Variants in CTNNA1 observed in about 807,000 individuals in gnomAD.
CTNNA1 encodes catenin alpha 1.
In CTNNA1, 37 loss-of-function variants were observed where a neutral mutation model predicts 98.4. The observed-to-expected ratio is 0.38, with a 90% CI of 0.29 to 0.49. The LOEUF is 0.49. CTNNA1 is among the 20% of genes least tolerant of loss of function. CTNNA1 has a pLI of 0.95. For missense variants in CTNNA1, 761 were observed against 1,147.2 expected (o/e 0.66, Z 4.86); for synonymous variants, 404 against 413.2 (o/e 0.98, Z 0.27).
intron 10 of CTNNA1, among the ~76,000 whole-genome samples, chr5:138,916,463 A>G (rs1245758802): frequency 6.6e-6 from 1 of 151,124 alleles, no homozygotes; most frequent in African/African-American, 2.4e-5. Context: ...CCTGGGCTCA[A>G]GCAGTCCTCC....
intron 3 of CTNNA1, among the ~76,000 whole-genome samples, chr5:138,789,191 C>A (rs1047314906): frequency 1.5e-4 from 22 of 147,922 alleles, no homozygotes; most frequent in Non-Finnish European, 2.5e-4. Flanking sequence ...CTGTTTTTCC[C>A]CCCCCCCAGA....
intron 1 of CTNNA1, among the ~76,000 whole-genome samples, chr5:138,777,185 G>C (rs1175899362): frequency 7.4e-6 from 1 of 134,930 alleles, no homozygotes; most frequent in East Asian, 2.2e-4. Flanking sequence ...AGACGGGGTC[G>C]CGGCCGGGTA....
chr5:138,850,297 T>C (rs1177532484), intron 7 of CTNNA1, among the ~76,000 whole-genome samples: 2 of 152,236 alleles, frequency 1.3e-5, no homozygotes, highest in Non-Finnish European at 2.9e-5. Context: ...TTCTATTCAC[T>C]GTACTATGGC....
intron 3 of CTNNA1, among the ~76,000 whole-genome samples, chr5:138,800,111 GGTTTTGA>G (rs955246075): frequency 6.6e-6 from 1 of 152,078 alleles, no homozygotes; most frequent in Non-Finnish European, 1.5e-5. Flanking sequence ...TGGCCAGGCT[GGTTTTGA>G]ACTCCTGATA....
intron 1 of CTNNA1, among the ~76,000 whole-genome samples, chr5:138,758,226 G>C (rs1580839590): frequency 6.6e-6 from 1 of 151,248 alleles, no homozygotes; most frequent in Non-Finnish European, 1.5e-5. Flanking sequence ...TTTTGAGATG[G>C]AGTCTTGCTC....
intron 3 of CTNNA1, among the ~76,000 whole-genome samples, chr5:138,785,662 G>A (rs1755616356): frequency 6.6e-6 from 1 of 152,150 alleles, no homozygotes; most frequent in Admixed American, 6.5e-5. Context: ...CTGGGTTCAA[G>A]CGATTCTTCT....
chr5:138,928,954 A>G (rs2150322476), intron 13 of CTNNA1, among the ~76,000 whole-genome samples: 1 of 152,088 alleles, frequency 6.6e-6, no homozygotes. Flanking sequence ...AAAAAAAACA[A>G]TCATGTCTTA....
chr5:138,795,719 T>C (rs1756891020), intron 3 of CTNNA1, among the ~76,000 whole-genome samples: 1 of 152,208 alleles, frequency 6.6e-6, no homozygotes, highest in East Asian at 1.9e-4. Context: ...AGTTTTATTA[T>C]AGGCTTGCCT....
intron 5 of CTNNA1, among the ~76,000 whole-genome samples, chr5:138,814,139 G>A (rs889497853): frequency 6.6e-6 from 1 of 152,120 alleles, no homozygotes; most frequent in African/African-American, 2.4e-5. Flanking sequence ...GTCATAAGAT[G>A]TGATCAGACT....
At chr5:138,822,486 A>G (rs1264528060) in intron 5 of CTNNA1, among the ~76,000 whole-genome samples, 2 of 152,346 alleles carry the variant, frequency 1.3e-5, no homozygotes, top group Admixed American at 1.3e-4. Flanking sequence ...AAGCATTTTT[A>G]TAAAACGGTA....
intron 7 of CTNNA1, among the ~76,000 whole-genome samples, chr5:138,857,588 A>T (rs1763845318): frequency 6.6e-6 from 1 of 152,196 alleles, no homozygotes; most frequent in African/African-American, 2.4e-5. Context: ...AAGTACTGGC[A>T]TTACAGATGT....
intron 1 of CTNNA1, among the ~76,000 whole-genome samples, chr5:138,778,687 T>G (rs1405475801): frequency 1.3e-5 from 2 of 152,230 alleles, no homozygotes; most frequent in African/African-American, 4.8e-5. Flanking sequence ...TGAATGCTGA[T>G]TTTTCTAAAT....
chr5:138,920,327 G>A (rs917714556), intron 11 of CTNNA1, among the ~76,000 whole-genome samples: 22 of 152,250 alleles, frequency 1.4e-4, no homozygotes, highest in African/African-American at 3.1e-4. Flanking sequence ...TTTCCCCATC[G>A]CTCCTGACAC....
chr5:138,800,866 C>T (rs1314218407), intron 3 of CTNNA1, among the ~76,000 whole-genome samples: 4 of 151,962 alleles, frequency 2.6e-5, no homozygotes, highest in Non-Finnish European at 5.9e-5. Context: ...CAGCTGCAGA[C>T]TTCAATTCAC....
In CTNNA1 at chr5:138,835,375, T is replaced by C. The variant is rs183552636; in HGVS notation, c.1062+7657T>C. Among the ~76,000 whole-genome samples the C allele has an allele frequency of 8.5e-5, 13 of 152,358 alleles. No individual in the cohort carries two copies. The East Asian group carries it at 2.1e-3, about 25-fold the overall frequency. ...CAGGTACAGAGGCTGAGTTTTGTTA[T>C]ACAGTTATGGTATGATTTCCATCTT... On this transcript the variant is annotated intron_variant, in intron 7 of 17. Coordinates refer to ENST00000302763, the MANE Select transcript of CTNNA1 (RefSeq NM_001903.5).
intron 9 of CTNNA1, among the ~76,000 whole-genome samples, chr5:138,903,889 A>T (rs1758613560): frequency 6.6e-6 from 1 of 152,178 alleles, no homozygotes; most frequent in Admixed American, 6.5e-5. Context: ...TAAATTAAGC[A>T]TCTATTCCCT....
chr5:138,824,489 A>G lies in CTNNA1; in HGVS notation c.589-41A>G, dbSNP rs374258980. The G allele has an allele frequency of 1.4e-5, 22 of 1,602,906 alleles. No homozygotes were observed. The African/African-American group carries it at 2.7e-4, about 20-fold the overall frequency. ...AAATTTTTATATGAGTAAAGCCCAT[A>G]TAAAGAGTGCTCCAATTTCTTGTTT... On this transcript the variant is annotated intron_variant, in intron 5 of 17. Transcript: ENST00000302763.
At chr5:138,932,997 G>A (rs901801508) in intron 17 of CTNNA1, 2 of 765,148 alleles carry the variant, frequency 2.6e-6, no homozygotes, top group Non-Finnish European at 4.8e-6. Flanking sequence ...ACCGGGCGTG[G>A]TGGCAGGTAC....
At chr5:138,766,186 C>T (rs925441575) in intron 1 of CTNNA1, among the ~76,000 whole-genome samples, 2 of 152,072 alleles carry the variant, frequency 1.3e-5, no homozygotes, top group East Asian at 1.9e-4. Context: ...GCTGGGGGAA[C>T]ATGGTATGTT....
Sources: gnomAD v4.1 joint callset for allele counts (sites outside exome capture counted in the v4.1 genomes callset) on GRCh38, gnomAD v4.1.1 for gene constraint, MANE v1.5 for transcripts, NCBI Gene and HGNC (gene_info 2026-07-23, HGNC 2026-07-21) for gene names.